Variants in COL6A5 observed in about 807,000 individuals in gnomAD.
The protein encoded by COL6A5 is collagen alpha-5(VI) chain.
In COL6A5, 48 loss-of-function variants were observed where a neutral mutation model predicts 65.6. The observed-to-expected ratio is 0.73, with a 90% CI of 0.58 to 0.93. COL6A5 has a LOEUF of 0.93. COL6A5 is among the 40% of genes least tolerant of loss of function. The probability of loss-of-function intolerance (pLI) is 0.00; values close to 1 mark genes in which losing one functional copy is unlikely to be tolerated. For synonymous variants in COL6A5, 291 were observed against 322.8 expected (o/e 0.90, Z 1.05); for missense variants, 914 against 928.3 (o/e 0.98, Z 0.20).
At chr3:130,395,420 A>G (rs1936562528) in exon 8 of COL6A5, 1 of 1,545,164 alleles carries the variant, frequency 6.5e-7, no homozygotes, top group Non-Finnish European at 8.7e-7. Context: ...TGTGGATGTG[A>G]AAAAAAGAAT....
At chr3:130,391,145 A>G in intron 6 of COL6A5, 34 bp from the exon 7 acceptor site, 1 of 1,482,452 alleles carries the variant, frequency 6.7e-7, no homozygotes, top group East Asian at 2.5e-5. Context: ...TGCACTGCAG[A>G]AAGTTTGTGA....
At chr3:130,375,032 C>A (rs1319902563) in intron 2 of COL6A5, among the ~76,000 whole-genome samples, 1 of 152,160 alleles carries the variant, frequency 6.6e-6, no homozygotes, top group Non-Finnish European at 1.5e-5. Context: ...CTTGAAAGAG[C>A]CAGTTGTTAG....
intron 1 of COL6A5, among the ~76,000 whole-genome samples, chr3:130,432,931 A>T (rs1201591134): frequency 6.6e-6 from 1 of 152,186 alleles, no homozygotes; most frequent in Non-Finnish European, 1.5e-5. Context: ...CATCTGTTCA[A>T]CAACTTTTCA....
upstream of COL6A5, among the ~76,000 whole-genome samples, chr3:130,430,559 G>T (rs1324332722): frequency 6.6e-6 from 1 of 152,198 alleles, no homozygotes; most frequent in Non-Finnish European, 1.5e-5. Flanking sequence ...ACATTGAAAA[G>T]TGAGGTTTGA....
chr3:130,406,406 G>A (rs1936995772), intron 17 of COL6A5, 85 bp downstream of exon 17: 1 of 1,079,190 alleles, frequency 9.3e-7, no homozygotes. Flanking sequence ...TGGTTATAGG[G>A]GATAAAATTT....
At chr3:130,448,888 C>A (rs1709363835) in intron 4 of COL6A5, among the ~76,000 whole-genome samples, 1 of 152,150 alleles carries the variant, frequency 6.6e-6, no homozygotes, top group African/African-American at 2.4e-5. Context: ...AAACAGCAAT[C>A]TTTAAGATCA....
intron 1 of COL6A5, 135 bp from the exon 2 acceptor site, chr3:130,373,476 T>G (rs571719525): frequency 1.7e-6 from 1 of 573,922 alleles, no homozygotes; most frequent in South Asian, 2.5e-5. Context: ...AAATGCTTGA[T>G]GAATTTTATA....
chr3:130,351,815 C>T (rs992935236), intron 1 of COL6A5, among the ~76,000 whole-genome samples: 3 of 152,046 alleles, frequency 2.0e-5, no homozygotes, highest in Non-Finnish European at 2.9e-5. Flanking sequence ...GGGTATATAC[C>T]CAAAGGATTA....
chr3:130,346,906 A>G (rs1934497916), intron 1 of COL6A5, among the ~76,000 whole-genome samples: 1 of 152,148 alleles, frequency 6.6e-6, no homozygotes, highest in Admixed American at 6.5e-5. Flanking sequence ...CATTTTTTCT[A>G]TTTAAGTTTA....
chr3:130,442,222 C>A (rs1291206865), intron 3 of COL6A5, among the ~76,000 whole-genome samples: 1 of 152,036 alleles, frequency 6.6e-6, no homozygotes, highest in Non-Finnish European at 1.5e-5. Flanking sequence ...TGAAAGAGTT[C>A]TTTTGGATGT....
At chr3:130,459,850 G>A (rs913470280) in intron 5 of COL6A5, among the ~76,000 whole-genome samples, 2 of 150,988 alleles carry the variant, frequency 1.3e-5, no homozygotes, top group Non-Finnish European at 2.9e-5. Context: ...TTGTTTTTTC[G>A]TGGGCATATA....
chr3:130,379,317 C>G lies in COL6A5; in HGVS notation c.668-101C>G, dbSNP rs539190814. On this transcript the variant is annotated intron_variant and NMD_transcript_variant, in intron 3 of 41. Transcript: ENST00000312481. ...ACGATGCTGTCTACATCCATCATGA[C>G]TACCTCTATTCTAACTAATGTGCTT... The G allele has an allele frequency of 2.2e-5, 24 of 1,069,198 alleles. No homozygotes were observed. In the African/African-American group the frequency reaches 3.4e-4, roughly 15 times the overall value. The allele number at this position is 1,069,198 out of a possible 1,614,324, so 66.2% of individuals were successfully genotyped here.
At chr3:130,358,495 A>T (rs1047729972) in intron 1 of COL6A5, among the ~76,000 whole-genome samples, 3 of 152,216 alleles carry the variant, frequency 2.0e-5, no homozygotes, top group East Asian at 3.8e-4. Flanking sequence ...TTCATAATAT[A>T]TCAAGAGCAC....
At chr3:130,401,978 T>C (rs186362174) in intron 12 of COL6A5, 124 bp downstream of exon 12, 24 of 678,048 alleles carry the variant, frequency 3.5e-5, no homozygotes, top group East Asian at 2.3e-4. Context: ...GGACATTTCA[T>C]GTGACTTTTT....
chr3:130,472,022 T>A, intron 7 of COL6A5, 96 bp downstream of exon 40: 1 of 1,193,492 alleles, frequency 8.4e-7, no homozygotes, highest in Non-Finnish European at 1.2e-6. Context: ...CTGGGAGAGG[T>A]AGAGATGACA....
rs1936972444 is a variant in COL6A5 at position 130,405,913 on chromosome 3, C to T, written c.4354-80C>T. 5 of 1,346,544 alleles carry T rather than the reference C, an allele frequency of 3.7e-6. No individual in the cohort carries two copies. In the African/African-American group the frequency reaches 4.3e-5, roughly 12 times the overall value. The allele number at this position is 1,346,544 out of a possible 1,614,324, so 83.4% of individuals were successfully genotyped here. ...CCCGAAGCGACTAAAGAAATACATG[C>T]TCACTCACTTTAGAGAGGCAGTCTT... On this transcript the variant is annotated intron_variant and NMD_transcript_variant, in intron 14 of 41. Coordinates refer to the COL6A5 transcript ENST00000312481.
At chr3:130,420,606 A>T (rs1318245965) in intron 25 of COL6A5, among the ~76,000 whole-genome samples, 1 of 152,136 alleles carries the variant, frequency 6.6e-6, no homozygotes. Flanking sequence ...TTTGAACTCC[A>T]TTATGAAGTG....
intron 1 of COL6A5, among the ~76,000 whole-genome samples, chr3:130,353,225 A>C (rs1934786457): frequency 6.6e-6 from 1 of 152,228 alleles, no homozygotes; most frequent in Non-Finnish European, 1.5e-5. Flanking sequence ...ATGAATGTGA[A>C]ATATGTAGGA....
chr3:130,400,052 T>C (rs1431314423), intron 10 of COL6A5, among the ~76,000 whole-genome samples: 1 of 152,180 alleles, frequency 6.6e-6, no homozygotes. Flanking sequence ...TGTGAGCCAC[T>C]GTGCCTGGTC....
Sources: allele counts gnomAD v4.1 joint callset (sites outside exome capture counted in the v4.1 genomes callset), GRCh38; gene constraint gnomAD v4.1.1; transcripts MANE v1.5; gene names NCBI Gene and HGNC (gene_info 2026-07-23, HGNC 2026-07-21).